The following NSD2 variants were observed in gnomAD, a reference collection of about 807,000 sequenced individuals.
NSD2 encodes the protein histone-lysine N-methyltransferase NSD2.
NSD2 carries 12 observed loss-of-function variants against 139.0 expected under a neutral mutation model. The ratio of observed to expected loss-of-function variants is 0.09; its 90% CI spans 0.06 to 0.14. The LOEUF (loss-of-function observed/expected upper bound fraction) is 0.14. Among genes scored for constraint, NSD2 ranks in the 10% least tolerant of loss-of-function variants. The pLI is 1.00. For synonymous variants in NSD2, 669 were observed against 648.7 expected (o/e 1.03, Z -0.48); for missense variants, 1,155 against 1,745.0 (o/e 0.66, Z 6.02).
chr4:1,952,201 G>A lies in NSD2; in HGVS notation c.2107G>A (p.Gly703Arg), dbSNP rs757015702. ...ACLGLSRRPEGRFTCSECASG... is the reference protein window; with the variant it reads ...ACLGLSRRPERRFTCSECASG... ...CCTTGGGCTTTCCCGGAGGCCAGAA[G>A]GGAGGTTCACCTGCAGCGAGTGTGC... The change falls in exon 11 of 22, where the codon GGG (glycine) becomes AGG (arginine). Residue 703 changes from glycine to arginine, a missense_variant. Around this residue, in one of 8 missense-constraint regions of NSD2, gnomAD observed 120 missense variants for 239.3 expected, o/e 0.50. Coordinates refer to ENST00000508803, the MANE Select transcript of NSD2 (RefSeq NM_001042424.3). 3 of 1,614,020 alleles carry A rather than the reference G, an allele frequency of 1.9e-6. No individual in the cohort carries two copies. In the Admixed American group the frequency reaches 5.0e-5, roughly 27 times the overall value.
Position 1,958,761 on chromosome 4 carries a change from G to A in NSD2, c.2986-710G>A, listed in dbSNP as rs1490862959. ...TCTTTGGGATGGATTCCCAGAAACA[G>A]AATCACAGGGTCAGAGAGTATGAAA... On this transcript the variant is annotated intron_variant, in intron 16 of 21. Coordinates refer to ENST00000508803, the MANE Select transcript of NSD2 (RefSeq NM_001042424.3). The surrounding 1 kb of genome is among the most constrained non-coding windows in gnomAD (Gnocchi z 4.6). Among the ~76,000 whole-genome samples, 1 of 152,264 alleles carries A rather than the reference G, an allele frequency of 6.6e-6. No homozygotes were observed. Among genetic ancestry groups the A allele is most frequent in the Non-Finnish European group, 1.5e-5 (1 of 68,046 alleles).
rs763234052 is a variant in NSD2, at chr4:1,955,972, A to G, written c.2676-11A>G. ...GGAGTCTGTGAATCCTGTTTTTAAT[A>G]TTTATAATAGATGGTGGCCGGCAGA... is the stretch of plus-strand genomic sequence containing the variant. On this transcript the variant is annotated splice_polypyrimidine_tract_variant and intron_variant, in intron 14 of 21. Coordinates refer to ENST00000508803, the MANE Select transcript of NSD2 (RefSeq NM_001042424.3). This position sits in a 1 kb window ranked among gnomAD's most constrained non-coding sequence, Gnocchi z 4.7. 1 of 1,613,908 alleles carries G rather than the reference A, an allele frequency of 6.2e-7. No homozygotes were observed. The highest frequency in any genetic ancestry group is 8.5e-7 in the Non-Finnish European group (1 of 1,179,954).
intron 20 of NSD2, 74 bp downstream of exon 20, chr4:1,975,474 G>C: frequency 7.4e-7 from 1 of 1,345,178 alleles, no homozygotes; most frequent in Non-Finnish European, 1.1e-6. Context: ...TGTGTCCCCC[G>C]TGAACAGCGG....
At chr4:1,941,948 GAT>G in intron 9 of NSD2, 1 of 1,078,662 alleles carries the variant, frequency 9.3e-7, no homozygotes, top group Non-Finnish European at 1.1e-6. Flanking sequence ...GCCCGATTCT[GAT>G]ATGAGTTAGG....
rs149281064 is a variant in NSD2 at position 1,916,974 on chromosome 4, A to G, written c.864A>G (p.Gly288=). Residue 288 remains glycine, a synonymous_variant, in exon 4 of 22, where the codon GGA becomes GGG. Coordinates refer to ENST00000508803, the MANE Select transcript of NSD2 (RefSeq NM_001042424.3). ...EKSLVAFEGE[G]QFEKLCQESA... ...GCCTCGTAGCTTTTGAAGGAGAAGGACAGTTTGAAAAATTATGCCAGGAAA... is the reference window on the plus strand; with the variant it reads ...GCCTCGTAGCTTTTGAAGGAGAAGGGCAGTTTGAAAAATTATGCCAGGAAA... 1.9e-6 allele frequency: 3 copies of G among 1,614,168 alleles called. No individual in the cohort carries two copies. Among genetic ancestry groups the G allele is most frequent in the Non-Finnish European group, 2.5e-6 (3 of 1,180,014 alleles).
Position 1,923,316 on chromosome 4 carries a change from CAAAAAA to C in NSD2, c.1410+4710_1410+4715del, listed in dbSNP as rs34772768. On this transcript the variant is annotated intron_variant, in intron 5 of 21. Coordinates refer to ENST00000508803, the MANE Select transcript of NSD2 (RefSeq NM_001042424.3). ...AGCCTGGGTGACAGAGACCCTGGCT[CAAAAAA>C]AAAAAAAAAAAAAAAATTCTTATGT... 8.0e-5 allele frequency among the ~76,000 whole-genome samples: 5 copies of C among 62,262 alleles called. No individual in the cohort carries two copies. The East Asian group carries it at 1.4e-3, about 17-fold the overall frequency. The allele number at this position is 62,262 out of a possible 152,430, so 40.8% of individuals were successfully genotyped here. A position where few individuals can be genotyped will look rare whatever the true frequency, so the allele number is the denominator to read the frequency against.
Position 1,955,044 on chromosome 4 carries a change from A to G in NSD2, c.2339-117A>G. ...AGCTTTTTTTAAATCAAATACCTCC[A>G]TTTCATTTTAGCATTAACTTTTCAA... On this transcript the variant is annotated intron_variant, in intron 12 of 21. Transcript: ENST00000508803. The surrounding 1 kb of genome is among the most constrained non-coding windows in gnomAD (Gnocchi z 4.7). 8.7e-7 allele frequency: 1 copy of G among 1,152,596 alleles called. No individual in the cohort carries two copies. Among genetic ancestry groups the G allele is most frequent in the Non-Finnish European group, 1.2e-6 (1 of 830,288 alleles). The allele number at this position is 1,152,596 out of a possible 1,614,324, so 71.4% of individuals were successfully genotyped here.
At chr4:1,925,204 G>A (rs1419784772) in intron 5 of NSD2, among the ~76,000 whole-genome samples, 4 of 152,094 alleles carry the variant, frequency 2.6e-5, no homozygotes, top group African/African-American at 4.8e-5. Flanking sequence ...GAGTGCTGGT[G>A]CACACAAGGA....
chr4:1,958,215 TG>T lies in NSD2; in HGVS notation c.2985+184del, dbSNP rs1200758533. Among the ~76,000 whole-genome samples the T allele has an allele frequency of 6.6e-6, 1 of 152,146 alleles. No individual in the cohort carries two copies. The highest frequency in any genetic ancestry group is 1.5e-5 in the Non-Finnish European group (1 of 68,020). On this transcript the variant is annotated intron_variant, in intron 16 of 21. Coordinates refer to ENST00000508803, the MANE Select transcript of NSD2 (RefSeq NM_001042424.3). This position sits in a 1 kb window ranked among gnomAD's most constrained non-coding sequence, Gnocchi z 4.6. ...AGCAAATGGCATGGGGGGATCTGCA[TG>T]GGGGTTCTTGGATCCGCCTTGGAGT...
In NSD2 at chr4:1,886,057, T is replaced by C. The variant is rs192355587; in HGVS notation, c.-30+14515T>C. 1.2e-3 allele frequency among the ~76,000 whole-genome samples: 181 copies of C among 152,330 alleles called. 1 individual carries two copies. Among genetic ancestry groups the C allele is most frequent in the African/African-American group, 4.1e-3 (171 of 41,572 alleles). On this transcript the variant is annotated intron_variant, in intron 1 of 21. Transcript: ENST00000508803. ...TCTCACCAACCAAAATGTTGAAGCA[T>C]ATTTTCTGCTTATCTTTTCCTTTAC... is the stretch of plus-strand genomic sequence containing the variant.
At chr4:1,919,496 C>T (rs536141179) in intron 5 of NSD2, among the ~76,000 whole-genome samples, 24 of 152,310 alleles carry the variant, frequency 1.6e-4, no homozygotes, top group Non-Finnish European at 5.9e-5. Context: ...TTGGGTTCCC[C>T]ACTTCCCACT....
rs750300039 is a variant in NSD2 at position 1,938,407 on chromosome 4, TTTTTC to T, written c.1675-40_1675-36del. ...TTTTTCCTTTTTTTCTTTTCTTTTT[TTTTTC>T]TTTCTTTTTTTTTTTTTTTTTTTTT... On this transcript the variant is annotated intron_variant, in intron 7 of 21. Transcript: ENST00000508803. 9 of 1,213,278 alleles carry T rather than the reference TTTTTC, an allele frequency of 7.4e-6. No individual in the cohort carries two copies. The African/African-American group carries it at 9.9e-5, about 13-fold the overall frequency. 75.2% of individuals were successfully genotyped at this position (1,213,278 alleles called of 1,614,324 possible).
chr4:1,952,796 C>T, intron 11 of NSD2: 1 of 1,157,250 alleles, frequency 8.6e-7, no homozygotes, highest in Non-Finnish European at 1.1e-6. Context: ...GATGAGAGGA[C>T]ACCTGCACAG....
At chr4:1,959,085 C>T (rs530235750) in intron 16 of NSD2, among the ~76,000 whole-genome samples, 34 of 152,300 alleles carry the variant, frequency 2.2e-4, no homozygotes, top group Middle Eastern at 3.4e-3. Context: ...AGAGATGGGT[C>T]GGGAAGCTGC....
Position 1,951,443 on chromosome 4 carries a change from TACACACACACACACACACACACACACAC to T in NSD2, c.2013+294_2013+321del, listed in dbSNP as rs71167763. Among the ~76,000 whole-genome samples, 16 of 101,030 alleles carry T rather than the reference TACACACACACACACACACACACACACAC, an allele frequency of 1.6e-4. 1 individual carries two copies. Among genetic ancestry groups the T allele is most frequent in the African/African-American group, 6.0e-4 (15 of 25,130 alleles). 66.3% of individuals were successfully genotyped at this position (101,030 alleles called of 152,430 possible). ...TGAGATTTGTATACACATCATGTAA[TACACACACACACACACACACACACACAC>T]ACACACACACACACACACACACACA... On this transcript the variant is annotated intron_variant, in intron 10 of 21. Transcript: ENST00000508803.
chr4:1,911,587 C>CAAAAAAAAAAAAAAAAAAA (rs372660600), intron 3 of NSD2, among the ~76,000 whole-genome samples: 31 of 42,038 alleles, frequency 7.4e-4, no homozygotes, highest in African/African-American at 8.8e-4. Flanking sequence ...GACGCCATCT[C>CAAAAAAAAAAAAAAAAAAA]AAAAAAAAAA....
At chr4:1,894,695 AAAG>A (rs1035355686) in intron 1 of NSD2, among the ~76,000 whole-genome samples, 24 of 152,146 alleles carry the variant, frequency 1.6e-4, no homozygotes, top group South Asian at 2.1e-4. Context: ...AAAAAAATGA[AAAG>A]AAGAAGTTGT....
chr4:1,927,766 G>T (rs960277735), intron 5 of NSD2, among the ~76,000 whole-genome samples: 16 of 148,270 alleles, frequency 1.1e-4, no homozygotes, highest in African/African-American at 4.0e-4. Flanking sequence ...TAGGGAGCAG[G>T]CAGGATGAAG....
intron 9 of NSD2, chr4:1,940,131 T>C: frequency 8.7e-7 from 1 of 1,147,534 alleles, no homozygotes; most frequent in Non-Finnish European, 1.1e-6. Flanking sequence ...GCGTTGGTTC[T>C]GAAAGGGCAC....
Sources: allele counts gnomAD v4.1 joint callset (sites outside exome capture counted in the v4.1 genomes callset), GRCh38; gene constraint gnomAD v4.1.1; regional missense constraint gnomAD v4.1.1; non-coding constraint Gnocchi (gnomAD v3.1); transcripts MANE v1.5; gene names NCBI Gene and HGNC (gene_info 2026-07-23, HGNC 2026-07-21).